The following CYP3A7 variants were observed in gnomAD, a reference collection of about 807,000 sequenced individuals.
CYP3A7 encodes cytochrome P450 3A7.
In CYP3A7, 45 loss-of-function variants were observed where a neutral mutation model predicts 55.2. That is an observed-to-expected ratio of 0.82 (90% CI 0.64 to 1.05). The LOEUF (loss-of-function observed/expected upper bound fraction) is 1.05, where lower values mean the gene tolerates loss of function less well. CYP3A7 is among the 50% of genes least tolerant of loss of function. CYP3A7 has a pLI of 0.00. For synonymous variants in CYP3A7, 180 were observed against 207.4 expected, an observed-to-expected ratio of 0.87 and a Z score of 1.13; for missense variants, 548 against 605.3, an observed-to-expected ratio of 0.91 and a Z score of 0.99.
intron 9 of CYP3A7, among the ~76,000 whole-genome samples, chr7:99,712,397 G>A (rs1813781924): frequency 3.3e-5 from 5 of 152,210 alleles, no homozygotes; most frequent in African/African-American, 9.6e-5. Context: ...GCTGTCCAAT[G>A]TGGTAGCCAC....
Position 99,717,193 on chromosome 7 carries a change from G to A in CYP3A7, c.505C>T (p.Pro169Ser). The A allele has an allele frequency of 6.2e-7, 1 of 1,613,900 alleles. No homozygotes were observed. The highest frequency in any genetic ancestry group is 8.5e-7 in the Non-Finnish European group (1 of 1,179,834). Residue 169 changes from proline (P) to serine (S), a missense_variant, in exon 6 of 13, where the codon CCT (proline) becomes TCT (serine). Coordinates refer to ENST00000336374, the MANE Select transcript of CYP3A7 (RefSeq NM_000765.5). ...NLRREAETGK[P>S]VTLKHVFGAY... is the part of the protein sequence containing the mutation. ...CCTACTTACTGTTTCAAGGTGACAG[G>A]CTTGCCTGTCTCTGCTTCCCGCCTC...
At chr7:99,723,921 G>T (rs1443074468) in intron 2 of CYP3A7, among the ~76,000 whole-genome samples, 2 of 152,176 alleles carry the variant, frequency 1.3e-5, no homozygotes, top group Non-Finnish European at 2.9e-5. Context: ...CACCTGCCTG[G>T]TTATTCACCC....
Position 99,713,503 on chromosome 7 carries a change from G to A in CYP3A7, c.831C>T (p.Asp277=). The A allele has an allele frequency of 6.8e-6, 11 of 1,613,518 alleles. No homozygotes were observed. The highest frequency in any genetic ancestry group is 8.5e-6 in the Non-Finnish European group (10 of 1,179,588). ...TCTCAGAGTCTTTTGAATTCTGAGAGTCAATCATCAGCTGAAGGAAATCCA... is the reference window on the plus strand; with the variant it reads ...TCTCAGAGTCTTTTGAATTCTGAGAATCAATCATCAGCTGAAGGAAATCCA... ...HRVDFLQLMI[D]SQNSKDSETH... Residue 277 remains aspartate, a synonymous_variant, in exon 9 of 13, where the codon GAC becomes GAT. Coordinates refer to ENST00000336374, the MANE Select transcript of CYP3A7 (RefSeq NM_000765.5).
chr7:99,723,274 A>AAT (rs1814275885), intron 2 of CYP3A7, among the ~76,000 whole-genome samples: 1 of 152,120 alleles, frequency 6.6e-6, no homozygotes, highest in African/African-American at 2.4e-5. Context: ...ACGTTCCATT[A>AAT]TGACTTGTTA....
At chr7:99,706,687 C>A (rs1453543933) in intron 12 of CYP3A7, among the ~76,000 whole-genome samples, 1 of 152,210 alleles carries the variant, frequency 6.6e-6, no homozygotes, top group Non-Finnish European at 1.5e-5. Flanking sequence ...ATTTTCCCTG[C>A]AGACAGACAT....
At position 99,719,246 on chromosome 7, in the gene CYP3A7, G is replaced by T. The variant is rs1419728337; in HGVS notation, c.318+1067C>A. On this transcript the variant is annotated intron_variant, in intron 4 of 12. Transcript: ENST00000336374. ...AGTGGGAAGAATCACTCTACATGAT[G>T]CTAAGAGTTACTGTACAGGTATTAG... Among the ~76,000 whole-genome samples the T allele has an allele frequency of 4.6e-5, 7 of 152,210 alleles. No individual in the cohort carries two copies. In the East Asian group the frequency reaches 1.3e-3, roughly 29 times the overall value.
At chr7:99,709,788 GTA>G (rs1554428994) in intron 10 of CYP3A7, among the ~76,000 whole-genome samples, 17 of 150,288 alleles carry the variant, frequency 1.1e-4, no homozygotes, top group African/African-American at 2.9e-4. Context: ...GTGTGTGTGT[GTA>G]TATATATATA....
chr7:99,714,910 G>T (rs1369502592), intron 7 of CYP3A7, among the ~76,000 whole-genome samples: 1 of 152,132 alleles, frequency 6.6e-6, no homozygotes, highest in Non-Finnish European at 1.5e-5. Context: ...AGCCCCTTCT[G>T]CATCTTTTGA....
intron 1 of CYP3A7, 98 bp from the exon 2 acceptor site, chr7:99,731,250 G>C (rs950645550): frequency 1.4e-6 from 2 of 1,381,736 alleles, no homozygotes. Flanking sequence ...ATCAGGCAAA[G>C]GAGGTAACAT....
At chr7:99,720,692 A>G in intron 3 of CYP3A7, 1 of 366,254 alleles carries the variant, frequency 2.7e-6, no homozygotes, top group Non-Finnish European at 5.1e-6. Flanking sequence ...AAATGACAGG[A>G]GAGCATTTGT....
At chr7:99,705,903 A>C (rs1312624285) in intron 12 of CYP3A7, among the ~76,000 whole-genome samples, 1 of 152,228 alleles carries the variant, frequency 6.6e-6, no homozygotes, top group Non-Finnish European at 1.5e-5. Context: ...AAAATGGATG[A>C]GTTTTAAAAA....
At chr7:99,717,054 A>C in intron 6 of CYP3A7, 123 bp downstream of exon 6, 1 of 1,186,260 alleles carries the variant, frequency 8.4e-7, no homozygotes, top group Non-Finnish European at 1.2e-6. Flanking sequence ...TTGAAGTTGC[A>C]TTACCACAGC....
At chr7:99,715,132 G>T (rs1176129804) in intron 7 of CYP3A7, among the ~76,000 whole-genome samples, 1 of 152,152 alleles carries the variant, frequency 6.6e-6, no homozygotes, top group African/African-American at 2.4e-5. Flanking sequence ...TCACACATAC[G>T]TGGAAGTTAA....
At position 99,722,367 on chromosome 7, in the gene CYP3A7, T is replaced by C; in HGVS notation, c.166-19A>G. On this transcript the variant is annotated intron_variant, in intron 2 of 12. Transcript: ENST00000336374. ...AATAGCCCTGGGAGGAGAAACAAAA[T>C]AATATTTCATTATTATTTTAAGTGT... 1.2e-6 allele frequency: 2 copies of C among 1,612,698 alleles called. No homozygotes were observed.
chr7:99,714,015 A>G (rs1813846199), intron 8 of CYP3A7, among the ~76,000 whole-genome samples: 2 of 152,126 alleles, frequency 1.3e-5, no homozygotes, highest in South Asian at 4.1e-4. Flanking sequence ...TCATGAAGGC[A>G]AAGCTGAGTT....
intron 6 of CYP3A7, among the ~76,000 whole-genome samples, chr7:99,716,332 G>A (rs1391932609): frequency 2.0e-5 from 3 of 152,144 alleles, no homozygotes; most frequent in African/African-American, 7.2e-5. Context: ...TATGCCCAGA[G>A]CCGATTCCTC....
chr7:99,712,017 T>C (rs1813766182), intron 9 of CYP3A7, among the ~76,000 whole-genome samples: 1 of 152,160 alleles, frequency 6.6e-6, no homozygotes, highest in African/African-American at 2.4e-5. Flanking sequence ...TGAGTGGTGA[T>C]TGATTGCAGT....
chr7:99,705,380 A>G lies in CYP3A7; in HGVS notation c.*120T>C. 8.9e-7 allele frequency: 1 copy of G among 1,125,474 alleles called. No individual in the cohort carries two copies. Among genetic ancestry groups the G allele is most frequent in the Non-Finnish European group, 1.3e-6 (1 of 756,104 alleles). 69.7% of individuals were successfully genotyped at this position (1,125,474 alleles called of 1,614,324 possible). ...GCACGTACAGAATCCCTGATTATTT[A>G]TGCAGCACATTGGATGAAGCCCGTC... On this transcript the variant is annotated 3_prime_UTR_variant, in exon 13 of 13. Transcript: ENST00000336374.
intron 7 of CYP3A7, chr7:99,715,223 T>G (rs1391743437): frequency 5.8e-6 from 1 of 171,374 alleles, no homozygotes; most frequent in Non-Finnish European, 1.3e-5. Context: ...GAGCAAAAAT[T>G]AAGATGTGAT....
Sources: allele counts gnomAD v4.1 joint callset (sites outside exome capture counted in the v4.1 genomes callset), GRCh38; gene constraint gnomAD v4.1.1; transcripts MANE v1.5; gene names NCBI Gene and HGNC (gene_info 2026-07-23, HGNC 2026-07-21).